Variants in GNAL observed in about 807,000 individuals in gnomAD.
GNAL encodes G protein subunit alpha L.
GNAL carries 18 observed loss-of-function variants against 55.1 expected under a neutral mutation model. That is an observed-to-expected ratio of 0.33 (90% CI 0.23 to 0.48). The LOEUF is 0.48. Ranked by LOEUF, GNAL falls within the 20% of genes least tolerant of loss-of-function variation. The probability of loss-of-function intolerance (pLI) is 0.99; values close to 1 mark genes in which losing one functional copy is unlikely to be tolerated. For synonymous variants in GNAL, 253 were observed against 237.0 expected (o/e 1.07, Z -0.62); for missense variants, 412 against 614.1 (o/e 0.67, Z 3.48).
intron 4 of GNAL, among the ~76,000 whole-genome samples, chr18:11,756,779 A>G (rs1437944539): frequency 6.6e-6 from 1 of 152,174 alleles, no homozygotes; most frequent in South Asian, 2.1e-4. Context: ...TATATGCTCC[A>G]TTGGAAAATT....
At chr18:11,846,208 T>A (rs2035731357) in intron 5 of GNAL, among the ~76,000 whole-genome samples, 1 of 152,012 alleles carries the variant, frequency 6.6e-6, no homozygotes, top group South Asian at 2.1e-4. Context: ...AATCACTGTG[T>A]TGCTAAATGA....
chr18:11,861,388 A>G (rs893223739), intron 5 of GNAL, among the ~76,000 whole-genome samples: 7 of 152,054 alleles, frequency 4.6e-5, no homozygotes, highest in Non-Finnish European at 1.0e-4. Context: ...CTCAATGGTC[A>G]CCTGTCCCAG....
intron 1 of GNAL, among the ~76,000 whole-genome samples, chr18:11,717,455 G>A (rs933360013): frequency 4.6e-5 from 7 of 152,346 alleles, no homozygotes; most frequent in South Asian, 2.1e-4. Context: ...CTGCCAGCAC[G>A]CTGTCACCTC....
intron 1 of GNAL, among the ~76,000 whole-genome samples, chr18:11,719,208 A>G (rs1462771382): frequency 1.3e-5 from 2 of 151,822 alleles, no homozygotes; most frequent in Non-Finnish European, 2.9e-5. Context: ...TCTATCATTA[A>G]AAAAAAATGT....
intron 1 of GNAL, among the ~76,000 whole-genome samples, chr18:11,748,261 T>C (rs2032735425): frequency 6.6e-6 from 1 of 152,214 alleles, no homozygotes; most frequent in South Asian, 2.1e-4. Flanking sequence ...CAATGTGTTG[T>C]GGCACACAAT....
chr18:11,725,442 A>G (rs1272935412), intron 1 of GNAL, among the ~76,000 whole-genome samples: 3 of 152,128 alleles, frequency 2.0e-5, no homozygotes, highest in Admixed American at 6.6e-5. Context: ...TGAGAAAATA[A>G]ATTTCTGTTG....
At chr18:11,867,500 G>A (rs540768771) in intron 8 of GNAL, among the ~76,000 whole-genome samples, 4 of 151,968 alleles carry the variant, frequency 2.6e-5, no homozygotes, top group Admixed American at 1.3e-4. Flanking sequence ...CCAACATGTC[G>A]AAACTGGGGC....
Position 11,791,469 on chromosome 18 carries a change from G to A in GNAL, c.625-33449G>A, listed in dbSNP as rs138871204. On this transcript the variant is annotated intron_variant, in intron 4 of 11. Transcript: ENST00000334049. Reference sequence around the variant, plus strand: ...AGAAGGTTGATTATCAAGAGATCATGCTTGTTTGTTTGAAATAAATGAACT... The same window carrying A: ...AGAAGGTTGATTATCAAGAGATCATACTTGTTTGTTTGAAATAAATGAACT... 8.7e-4 allele frequency among the ~76,000 whole-genome samples: 132 copies of A among 152,264 alleles called. 1 individual carries two copies. Among genetic ancestry groups the A allele is most frequent in the African/African-American group, 2.9e-3 (122 of 41,550 alleles).
At chr18:11,873,531 T>C (rs746808418) in intron 10 of GNAL, among the ~76,000 whole-genome samples, 35 of 152,318 alleles carry the variant, frequency 2.3e-4, no homozygotes, top group Non-Finnish European at 3.5e-4. Flanking sequence ...ACCCAGCTGC[T>C]TTCATGAGCC....
chr18:11,786,770 T>C (rs2143397211), intron 4 of GNAL, among the ~76,000 whole-genome samples: 1 of 152,050 alleles, frequency 6.6e-6, no homozygotes, highest in South Asian at 2.1e-4. Context: ...CATTTTCATT[T>C]GAATCTTTTT....
At chr18:11,703,664 C>T (rs570382876) in intron 1 of GNAL, among the ~76,000 whole-genome samples, 3 of 152,226 alleles carry the variant, frequency 2.0e-5, no homozygotes, top group Admixed American at 6.5e-5. Flanking sequence ...TCATGGAGGA[C>T]GATACTTAAC....
chr18:11,843,276 A>T (rs1200165163), intron 5 of GNAL, among the ~76,000 whole-genome samples: 1 of 152,180 alleles, frequency 6.6e-6, no homozygotes, highest in Non-Finnish European at 1.5e-5. Context: ...AGGTGGGTGG[A>T]TCACCTGAGG....
chr18:11,873,031 T>C (rs1026918613), intron 10 of GNAL, among the ~76,000 whole-genome samples: 2 of 152,184 alleles, frequency 1.3e-5, no homozygotes, highest in African/African-American at 2.4e-5. Context: ...CCGTCAGTGC[T>C]AAAGCTGGGA....
intron 5 of GNAL, chr18:11,854,317 A>G (rs1362329567): frequency 6.0e-6 from 1 of 167,054 alleles, no homozygotes; most frequent in Non-Finnish European, 1.5e-5. Context: ...TTATGAATGT[A>G]CATTTTTATG....
At chr18:11,694,636 G>C (rs1273517067) in intron 1 of GNAL, among the ~76,000 whole-genome samples, 1 of 152,140 alleles carries the variant, frequency 6.6e-6, no homozygotes, top group Non-Finnish European at 1.5e-5. Flanking sequence ...CACGGGCTTG[G>C]GGAGCAGGTC....
chr18:11,717,030 G>A (rs1057060283), intron 1 of GNAL, among the ~76,000 whole-genome samples: 5 of 152,242 alleles, frequency 3.3e-5, no homozygotes, highest in Non-Finnish European at 7.3e-5. Flanking sequence ...AGCTTTGCAG[G>A]AGCCCATGGA....
At chr18:11,874,665 ACTC>A (rs1468031257) in intron 10 of GNAL, among the ~76,000 whole-genome samples, 9 of 143,962 alleles carry the variant, frequency 6.3e-5, no homozygotes, top group African/African-American at 2.4e-4. Context: ...AAAAAAAAGA[ACTC>A]CTCAGATGGT....
intron 4 of GNAL, among the ~76,000 whole-genome samples, chr18:11,822,820 C>CT (rs56128456): frequency 0.025 from 3,415 of 139,156 alleles, 48 homozygotes; most frequent in Non-Finnish European, 0.028. Context: ...TTTTTTTTTT[C>CT]TTTTTTTTTT....
intron 9 of GNAL, among the ~76,000 whole-genome samples, chr18:11,871,257 T>C (rs1344219575): frequency 1.3e-5 from 2 of 151,000 alleles, no homozygotes; most frequent in African/African-American, 2.4e-5. Context: ...TTCTTTCTTT[T>C]TTTTTTTTTT....
Sources: gnomAD v4.1 joint callset for allele counts (sites outside exome capture counted in the v4.1 genomes callset) on GRCh38, gnomAD v4.1.1 for gene constraint, MANE v1.5 for transcripts, NCBI Gene and HGNC (gene_info 2026-07-23, HGNC 2026-07-21) for gene names.